RERG: variants seen among roughly 807,000 people sequenced by gnomAD.
The protein encoded by RERG is ras-related and estrogen-regulated growth inhibitor.
Under a neutral mutation model 23.2 loss-of-function variants are expected in RERG, and 25 were observed. The observed-to-expected ratio is 1.08, with a 90% CI of 0.79 to 1.50. RERG has a LOEUF of 1.50. Among genes scored for constraint, RERG ranks in the 40% most tolerant of loss-of-function variants. The pLI, the probability that RERG is intolerant of heterozygous loss-of-function variation, is 0.00. For synonymous variants in RERG, 81 were observed against 89.1 expected (o/e 0.91, Z 0.51); for missense variants, 253 against 250.1 (o/e 1.01, Z -0.08).
At chr12:15,175,244 T>G (rs73306752) in intron 2 of RERG, among the ~76,000 whole-genome samples, 9,786 of 151,448 alleles carry the variant, frequency 0.065, 1,067 homozygotes, top group African/African-American at 0.22. Context: ...CACGGTTCTG[T>G]TCAGTTACGT....
In RERG at chr12:15,109,156, T is replaced by C. The variant is rs747738611; in HGVS notation, c.554A>G (p.His185Arg). Residue 185 changes from histidine (H) to arginine (R), a missense_variant, in exon 5 of 5, where the codon CAT (histidine) becomes CGT (arginine). Transcript: ENST00000256953. ...GKTRRRSSTT[H>R]VKQAINKMLT... ...CATCTTGTTAATGGCTTGCTTGACATGCGTGGTGGAGCTGCGTCGCCTCGT... is the reference window on the plus strand; with the variant it reads ...CATCTTGTTAATGGCTTGCTTGACACGCGTGGTGGAGCTGCGTCGCCTCGT... The C allele has an allele frequency of 1.2e-6, 2 of 1,605,862 alleles. No individual in the cohort carries two copies. The highest frequency in any genetic ancestry group is 3.4e-5 in the Admixed American group (2 of 58,658).
intron 3 of RERG, among the ~76,000 whole-genome samples, chr12:15,119,519 T>C (rs941083495): frequency 6.6e-6 from 1 of 152,118 alleles, no homozygotes; most frequent in South Asian, 2.1e-4. Context: ...ATGTAAAACT[T>C]ATGTAAGTAA....
chr12:15,110,457 T>TTTTTTC (rs1286516973), intron 4 of RERG, among the ~76,000 whole-genome samples: 1 of 130,766 alleles, frequency 7.6e-6, no homozygotes, highest in Non-Finnish European at 1.6e-5. Context: ...CAGTGGCCAT[T>TTTTTTC]TTTTTCTTTT....
chr12:15,111,524 G>A, intron 3 of RERG, 107 bp from the exon 4 acceptor site: 1 of 832,206 alleles, frequency 1.2e-6, no homozygotes, highest in Non-Finnish European at 2.0e-6. Context: ...TGATTTTACA[G>A]CATAAGGAAC....
At chr12:15,200,203 C>T (rs1865197214) in intron 2 of RERG, among the ~76,000 whole-genome samples, 1 of 152,034 alleles carries the variant, frequency 6.6e-6, no homozygotes. Flanking sequence ...GAATAAAACA[C>T]ATTTACAAGA....
intron 2 of RERG, among the ~76,000 whole-genome samples, chr12:15,165,676 G>C (rs1050890478): frequency 3.9e-5 from 6 of 152,250 alleles, no homozygotes; most frequent in Middle Eastern, 3.4e-3. Flanking sequence ...TTTAAAATGG[G>C]GTTATGATGC....
chr12:15,159,344 C>A (rs2136112142), intron 2 of RERG, among the ~76,000 whole-genome samples: 1 of 152,190 alleles, frequency 6.6e-6, no homozygotes, highest in East Asian at 1.9e-4. Flanking sequence ...TAATTTGCTG[C>A]CTTACTAGTA....
chr12:15,111,502 GAGA>G (rs1291536271), intron 3 of RERG, 85 bp from the exon 4 acceptor site: 8 of 1,047,886 alleles, frequency 7.6e-6, no homozygotes, highest in Non-Finnish European at 1.2e-5. Flanking sequence ...ATGGGCATGG[GAGA>G]AGTATTCCTG....
Position 15,117,142 on chromosome 12 carries a change from C to CTTTTTT in RERG, c.118+3915_118+3920dup, listed in dbSNP as rs3084646. ...GTGGTTAATCTTTTTACTGATTTAG[C>CTTTTTT]TTTTTTTTTTTTTGCGAATTTCAAC... On this transcript the variant is annotated intron_variant, in intron 3 of 4. Transcript: ENST00000256953. Among the ~76,000 whole-genome samples, 142 of 136,812 alleles carry CTTTTTT rather than the reference C, an allele frequency of 1.0e-3. 3 individuals carry two copies. Among genetic ancestry groups the CTTTTTT allele is most frequent in the African/African-American group, 1.4e-3 (52 of 36,876 alleles). 89.8% of individuals were successfully genotyped at this position (136,812 alleles called of 152,430 possible).
chr12:15,121,528 T>C (rs1863831634), intron 2 of RERG, among the ~76,000 whole-genome samples: 1 of 152,228 alleles, frequency 6.6e-6, no homozygotes, highest in Admixed American at 6.5e-5. Context: ...AATGTGATAA[T>C]TTTTAGTGTA....
chr12:15,110,703 C>T (rs563374051), intron 4 of RERG, among the ~76,000 whole-genome samples: 2 of 152,064 alleles, frequency 1.3e-5, no homozygotes, highest in South Asian at 2.1e-4. Context: ...TGGTCTCGAT[C>T]TCCTGTCCTT....
intron 2 of RERG, among the ~76,000 whole-genome samples, chr12:15,179,235 T>C (rs1161179846): frequency 6.6e-6 from 1 of 152,220 alleles, no homozygotes; most frequent in Non-Finnish European, 1.5e-5. Flanking sequence ...TTTTAATTCA[T>C]ACAATCCCTT....
At position 15,169,920 on chromosome 12, in the gene RERG, ATGTGTGTGTG is replaced by A. The variant is rs61079713; in HGVS notation, c.61+47499_61+47508del. Reference sequence around the variant, plus strand: ...GAAGGACACACGTCATCTGCTAAAAATGTGTGTGTGTGTGTGTGTGTGTGTGTGTGTGTGT... The same window carrying A: ...GAAGGACACACGTCATCTGCTAAAAATGTGTGTGTGTGTGTGTGTGTGTGT... On this transcript the variant is annotated intron_variant, in intron 2 of 4. Coordinates refer to ENST00000256953, the MANE Select transcript of RERG (RefSeq NM_032918.3). 2.4e-3 allele frequency among the ~76,000 whole-genome samples: 325 copies of A among 137,696 alleles called. 3 individuals carry two copies. The South Asian group carries it at 0.026, about 11-fold the overall frequency. 90.3% of individuals were successfully genotyped at this position (137,696 alleles called of 152,430 possible). A position where few individuals can be genotyped will look rare whatever the true frequency, so the allele number is the denominator to read the frequency against.
chr12:15,116,211 G>C (rs1863718717), intron 3 of RERG, among the ~76,000 whole-genome samples: 1 of 152,148 alleles, frequency 6.6e-6, no homozygotes, highest in African/African-American at 2.4e-5. Context: ...AGCCCATTCT[G>C]CATCACGCAT....
rs375025258 is a variant in RERG at position 15,128,591 on chromosome 12, T to C, written c.62-7472A>G. Among the ~76,000 whole-genome samples the C allele has an allele frequency of 1.4e-4, 21 of 152,334 alleles. No individual in the cohort carries two copies. The East Asian group carries it at 2.3e-3, about 17-fold the overall frequency. The stretch of plus-strand genomic sequence containing the variant: ...CCAATTGAAGTCCTGTTATGATGTC[T>C]AGAATTCTTACTGCAAGGACTGGGT... On this transcript the variant is annotated intron_variant, in intron 2 of 4. Coordinates refer to ENST00000256953, the MANE Select transcript of RERG (RefSeq NM_032918.3).
intron 2 of RERG, among the ~76,000 whole-genome samples, chr12:15,129,579 A>G (rs2136094454): frequency 6.6e-6 from 1 of 152,256 alleles, no homozygotes; most frequent in South Asian, 2.1e-4. Flanking sequence ...AAATGACTTT[A>G]TATTAAAGCT....
At chr12:15,141,831 G>C (rs1304002160) in intron 2 of RERG, among the ~76,000 whole-genome samples, 1 of 152,170 alleles carries the variant, frequency 6.6e-6, no homozygotes, top group Non-Finnish European at 1.5e-5. Flanking sequence ...ATGTTCTAGA[G>C]CTCCCTTATC....
intron 2 of RERG, among the ~76,000 whole-genome samples, chr12:15,204,929 T>TA (rs913714664): frequency 6.6e-6 from 1 of 151,898 alleles, no homozygotes; most frequent in African/African-American, 2.4e-5. Context: ...TGAATTGAGT[T>TA]AAAAAACAAT....
At chr12:15,159,799 G>A (rs1864578195) in intron 2 of RERG, among the ~76,000 whole-genome samples, 1 of 152,082 alleles carries the variant, frequency 6.6e-6, no homozygotes, top group African/African-American at 2.4e-5. Context: ...ACTCCAGCCT[G>A]GGCGACAGAG....
Sources: allele counts gnomAD v4.1 joint callset (sites outside exome capture counted in the v4.1 genomes callset), GRCh38; gene constraint gnomAD v4.1.1; transcripts MANE v1.5; gene names NCBI Gene and HGNC (gene_info 2026-07-23, HGNC 2026-07-21).